Variants in TENM3 observed in about 807,000 individuals in gnomAD.
The protein encoded by TENM3 is teneurin transmembrane protein 3.
Under a neutral mutation model 255.1 loss-of-function variants are expected in TENM3, and 63 were observed. That is an observed-to-expected ratio of 0.25 (90% CI 0.20 to 0.30). TENM3 has a LOEUF of 0.30. Ranked by LOEUF, TENM3 falls within the 10% of genes least tolerant of loss-of-function variation. TENM3 has a pLI of 1.00. For synonymous variants in TENM3, 1,306 were observed against 1,322.3 expected, an observed-to-expected ratio of 0.99 and a Z score of 0.27; for missense variants, 2,929 against 3,461.1, an observed-to-expected ratio of 0.85 and a Z score of 3.86.
the TENM3 span, among the ~76,000 whole-genome samples, chr4:181,501,416 T>C: frequency 6.6e-6 from 1 of 151,842 alleles, no homozygotes; most frequent in Non-Finnish European, 1.5e-5. Context: ...TCTCGCACTG[T>C]CGCCTGGGCT....
At chr4:181,707,932 A>G in the TENM3 span, among the ~76,000 whole-genome samples, 1 of 152,242 alleles carries the variant, frequency 6.6e-6, no homozygotes, top group South Asian at 2.1e-4. Flanking sequence ...AGGCTATAGC[A>G]GAAGTGAACA....
chr4:182,200,910 C>T (rs1754148015), intron 1 of TENM3, among the ~76,000 whole-genome samples: 1 of 151,582 alleles, frequency 6.6e-6, no homozygotes, highest in South Asian at 2.1e-4. Context: ...CTGCAACCTC[C>T]ACCTCCCGGG....
the TENM3 span, among the ~76,000 whole-genome samples, chr4:181,854,914 G>T: frequency 6.6e-6 from 1 of 152,138 alleles, no homozygotes; most frequent in African/African-American, 2.4e-5. Flanking sequence ...ATAAGGGTTT[G>T]ATTGGAATAT....
At chr4:182,238,208 G>C (rs1044376576) in intron 1 of TENM3, among the ~76,000 whole-genome samples, 3 of 151,948 alleles carry the variant, frequency 2.0e-5, no homozygotes, top group South Asian at 4.2e-4. Flanking sequence ...GTCTGGGGTC[G>C]TCGGAAGCCT....
At chr4:181,968,187 G>A in the TENM3 span, among the ~76,000 whole-genome samples, 1 of 152,162 alleles carries the variant, frequency 6.6e-6, no homozygotes, top group African/African-American at 2.4e-5. Flanking sequence ...TTTACCAGGT[G>A]TGAGACCTCC....
the TENM3 span, among the ~76,000 whole-genome samples, chr4:182,122,830 A>C: frequency 1.3e-5 from 2 of 152,194 alleles, no homozygotes; most frequent in East Asian, 3.9e-4. Flanking sequence ...TGAAAGTCTG[A>C]GGTGGCATCA....
intron 3 of TENM3, among the ~76,000 whole-genome samples, chr4:182,392,938 A>G (rs7663261): frequency 0.74 from 112,706 of 152,080 alleles, 42,391 homozygotes; most frequent in East Asian, 0.97. Flanking sequence ...ATAGAAATTT[A>G]TTTTGCTAAC....
At chr4:182,554,724 A>T (rs1025775948) in intron 3 of TENM3, among the ~76,000 whole-genome samples, 3 of 152,228 alleles carry the variant, frequency 2.0e-5, no homozygotes, top group African/African-American at 7.2e-5. Flanking sequence ...TCATTTACTT[A>T]AAAGTCATAG....
At chr4:182,052,991 T>C in the TENM3 span, among the ~76,000 whole-genome samples, 2 of 152,150 alleles carry the variant, frequency 1.3e-5, 1 homozygote, top group African/African-American at 4.8e-5. Context: ...TTATATATAA[T>C]ACAAATGGGA....
intron 1 of TENM3, among the ~76,000 whole-genome samples, chr4:182,269,669 G>T (rs908221997): frequency 6.6e-6 from 1 of 151,962 alleles, no homozygotes; most frequent in Non-Finnish European, 1.5e-5. Context: ...GAACCTTGAG[G>T]ATTATCTAAT....
At chr4:182,544,860 T>C (rs62339069) in intron 3 of TENM3, among the ~76,000 whole-genome samples, 29,183 of 152,116 alleles carry the variant, frequency 0.19, 3,740 homozygotes, top group African/African-American at 0.35. Flanking sequence ...ACATAACTAG[T>C]CTTCATCTAG....
At chr4:182,308,501 A>C (rs995044823) in intron 1 of TENM3, among the ~76,000 whole-genome samples, 1 of 152,070 alleles carries the variant, frequency 6.6e-6, no homozygotes, top group African/African-American at 2.4e-5. Flanking sequence ...AAAACAAAAC[A>C]AAACAAAAAA....
intron 3 of TENM3, among the ~76,000 whole-genome samples, chr4:182,500,764 G>A (rs1736231793): frequency 6.6e-6 from 1 of 152,062 alleles, no homozygotes; most frequent in African/African-American, 2.4e-5. Flanking sequence ...AATCTCAATG[G>A]CCAACAGGAT....
At chr4:182,194,914 C>T (rs915388271) in intron 1 of TENM3, among the ~76,000 whole-genome samples, 35 of 151,986 alleles carry the variant, frequency 2.3e-4, no homozygotes, top group Admixed American at 6.6e-4. Flanking sequence ...AAGTTTTTGT[C>T]GTGATAGAAT....
At chr4:182,197,117 T>C (rs559280797) in intron 1 of TENM3, among the ~76,000 whole-genome samples, 1 of 152,364 alleles carries the variant, frequency 6.6e-6, no homozygotes, top group Non-Finnish European at 1.5e-5. Flanking sequence ...ACATTATTTG[T>C]TAATCTATTT....
intron 3 of TENM3, among the ~76,000 whole-genome samples, chr4:182,371,762 T>G (rs1766832702): frequency 6.6e-6 from 1 of 152,176 alleles, no homozygotes; most frequent in Admixed American, 6.5e-5. Context: ...ATTTCATCAT[T>G]TTAAATTTCC....
the TENM3 span, among the ~76,000 whole-genome samples, chr4:181,571,128 G>T: frequency 6.6e-6 from 1 of 152,140 alleles, no homozygotes; most frequent in Non-Finnish European, 1.5e-5. Flanking sequence ...AGCCGGTGCT[G>T]TTCCTCAATT....
At chr4:182,527,900 G>C (rs1739378563) in intron 3 of TENM3, among the ~76,000 whole-genome samples, 1 of 151,924 alleles carries the variant, frequency 6.6e-6, no homozygotes, top group Non-Finnish European at 1.5e-5. Context: ...GCTAATTTTT[G>C]TATTTTTAGT....
chr4:182,344,254 C>G (rs111992623), intron 2 of TENM3, among the ~76,000 whole-genome samples: 50 of 152,222 alleles, frequency 3.3e-4, no homozygotes, highest in African/African-American at 1.1e-3. Context: ...TTAGTTTTCT[C>G]TCCTAGGGGA....
Sources: gnomAD v4.1 joint callset for allele counts (sites outside exome capture counted in the v4.1 genomes callset) on GRCh38, gnomAD v4.1.1 for gene constraint, MANE v1.5 for transcripts, NCBI Gene and HGNC (gene_info 2026-07-23, HGNC 2026-07-21) for gene names.